PIK3C2G: variants seen among roughly 807,000 people sequenced by gnomAD.
The protein encoded by PIK3C2G is phosphatidylinositol-4-phosphate 3-kinase catalytic subunit type 2 gamma, also known as phosphatidylinositol 3-kinase C2 domain-containing subunit gamma.
A neutral mutation model predicts 181.1 loss-of-function variants in PIK3C2G; 168 were observed. That is an observed-to-expected ratio of 0.93 (90% CI 0.82 to 1.05). The LOEUF is 1.05. PIK3C2G is among the 50% of genes least tolerant of loss of function. PIK3C2G has a pLI of 0.00. For synonymous variants in PIK3C2G, 573 were observed against 592.2 expected (o/e 0.97, Z 0.47); for missense variants, 1,869 against 1,732.8 (o/e 1.08, Z -1.40).
chr12:18,298,037 C>T (rs1230672703), intron 5 of PIK3C2G, among the ~76,000 whole-genome samples: 2 of 151,794 alleles, frequency 1.3e-5, no homozygotes, highest in East Asian at 1.9e-4. Flanking sequence ...TTTGGATAAA[C>T]ACCCATAAGT....
intron 12 of PIK3C2G, among the ~76,000 whole-genome samples, chr12:18,365,721 T>C (rs527279379): frequency 6.6e-6 from 1 of 152,184 alleles, no homozygotes; most frequent in Non-Finnish European, 1.5e-5. Context: ...TTAAATACAA[T>C]TTAAATGCCA....
rs182188310 is a variant in PIK3C2G at position 18,472,456 on chromosome 12, C to T, written c.2505-15993C>T. ...TCATTTTTGTATGTTTACTGTCTCC[C>T]TCTCCCTACTCCCAACTATAATGTA... is the stretch of plus-strand genomic sequence containing the variant. On this transcript the variant is annotated intron_variant, in intron 18 of 32. Transcript: ENST00000538779. 3.0e-3 allele frequency among the ~76,000 whole-genome samples: 464 copies of T among 152,190 alleles called. 2 individuals are homozygous for T. Among genetic ancestry groups the T allele is most frequent in the African/African-American group, 0.01 (421 of 41,532 alleles).
At chr12:18,307,113 T>C (rs1950451537) in intron 5 of PIK3C2G, among the ~76,000 whole-genome samples, 1 of 149,738 alleles carries the variant, frequency 6.7e-6, no homozygotes, top group Non-Finnish European at 1.5e-5. Flanking sequence ...TGAGTACTTA[T>C]CACTTTTTGG....
chr12:18,452,196 G>C (rs544005164), intron 18 of PIK3C2G, among the ~76,000 whole-genome samples: 286 of 152,246 alleles, frequency 1.9e-3, no homozygotes, highest in African/African-American at 6.7e-3. Context: ...CAATCTGTCT[G>C]GTCCTGGGCT....
chr12:18,609,621 A>G lies in PIK3C2G; in HGVS notation c.4174A>G (p.Lys1392Glu). The G allele has an allele frequency of 6.5e-7, 1 of 1,549,590 alleles. No homozygotes were observed. Among genetic ancestry groups the G allele is most frequent in the East Asian group, 2.3e-5 (1 of 42,808 alleles). The change falls in exon 31 of 33, where the codon AAA (lysine) becomes GAA (glutamate). Residue 1392 changes from lysine to glutamate, a missense_variant. Coordinates refer to ENST00000538779, the MANE Select transcript of PIK3C2G (RefSeq NM_001288772.2). ...VKLTILVKHM[K>E]NIHLPDGSAP... ...GCTGACCATACTAGTGAAACACATG[A>G]AAAACATTGTAAGTTTATTATGTAT...
chr12:18,361,163 T>C (rs1941207955), intron 11 of PIK3C2G, among the ~76,000 whole-genome samples: 1 of 152,174 alleles, frequency 6.6e-6, no homozygotes, highest in Non-Finnish European at 1.5e-5. Flanking sequence ...AGTTCACTGA[T>C]TATCTCCTCT....
intron 29 of PIK3C2G, among the ~76,000 whole-genome samples, chr12:18,590,462 C>T (rs1482417368): frequency 6.6e-6 from 1 of 151,852 alleles, no homozygotes; most frequent in African/African-American, 2.4e-5. Context: ...ATATGGGGAA[C>T]CCTCCTGCAT....
At chr12:18,532,099 G>A (rs1943584982) in intron 24 of PIK3C2G, among the ~76,000 whole-genome samples, 1 of 152,108 alleles carries the variant, frequency 6.6e-6, no homozygotes, top group African/African-American at 2.4e-5. Flanking sequence ...ATATCTCATT[G>A]TGGGTTTAAG....
intron 7 of PIK3C2G, among the ~76,000 whole-genome samples, chr12:18,323,007 A>G (rs1053697040): frequency 4.6e-5 from 7 of 152,154 alleles, no homozygotes; most frequent in African/African-American, 1.7e-4. Flanking sequence ...TTGGGACACA[A>G]AGGACTTTGC....
chr12:18,546,496 T>A, intron 26 of PIK3C2G, 64 bp downstream of exon 26: 3 of 879,452 alleles, frequency 3.4e-6, no homozygotes, highest in South Asian at 1.5e-5. Context: ...TGTTCCACAG[T>A]GGAGATGATT....
chr12:18,267,852 C>T (rs1002015620), intron 1 of PIK3C2G, among the ~76,000 whole-genome samples: 1 of 152,192 alleles, frequency 6.6e-6, no homozygotes, highest in Non-Finnish European at 1.5e-5. Flanking sequence ...GTATCCCAAA[C>T]ATTCATCCCC....
At chr12:18,453,435 T>C (rs1008365555) in intron 18 of PIK3C2G, among the ~76,000 whole-genome samples, 1 of 151,932 alleles carries the variant, frequency 6.6e-6, no homozygotes, top group Non-Finnish European at 1.5e-5. Context: ...TTATTTTGTA[T>C]GCATACAACT....
the PIK3C2G span, among the ~76,000 whole-genome samples, chr12:18,674,405 A>C: frequency 6.6e-6 from 1 of 152,132 alleles, no homozygotes; most frequent in Non-Finnish European, 1.5e-5. Context: ...TGACAGTGGA[A>C]GCGTGTTGGT....
chr12:18,404,118 A>C (rs1944393319), intron 16 of PIK3C2G, among the ~76,000 whole-genome samples: 1 of 152,188 alleles, frequency 6.6e-6, no homozygotes, highest in African/African-American at 2.4e-5. Flanking sequence ...TTCCAAAATT[A>C]GGTTCCTTGG....
chr12:18,699,390 A>G, the PIK3C2G span, among the ~76,000 whole-genome samples: 1 of 152,136 alleles, frequency 6.6e-6, no homozygotes. Context: ...TATCGTTTAG[A>G]AATAGAGTGG....
At chr12:18,325,717 A>AT (rs1951314115) in intron 8 of PIK3C2G, among the ~76,000 whole-genome samples, 1 of 151,676 alleles carries the variant, frequency 6.6e-6, no homozygotes, top group Non-Finnish European at 1.5e-5. Flanking sequence ...AAAAAAAAAA[A>AT]AAAAAAAGAG....
At chr12:18,425,330 T>C (rs1945734829) in intron 18 of PIK3C2G, among the ~76,000 whole-genome samples, 1 of 151,948 alleles carries the variant, frequency 6.6e-6, no homozygotes, top group South Asian at 2.1e-4. Context: ...TTTTGTGTTT[T>C]TGAAGTAAAG....
chr12:18,579,334 A>G (rs1366650784), intron 29 of PIK3C2G, among the ~76,000 whole-genome samples: 2 of 152,218 alleles, frequency 1.3e-5, no homozygotes, highest in Non-Finnish European at 2.9e-5. Flanking sequence ...ACTTGCTAAT[A>G]TGAAATATTA....
At chr12:18,424,206 G>A (rs548391606) in intron 18 of PIK3C2G, among the ~76,000 whole-genome samples, 167 bp downstream of exon 18, 42 of 152,218 alleles carry the variant, frequency 2.8e-4, no homozygotes, top group African/African-American at 9.9e-4. Context: ...AGGATAATGT[G>A]TCATCATTTT....
Sources: allele counts gnomAD v4.1 joint callset (sites outside exome capture counted in the v4.1 genomes callset), GRCh38; gene constraint gnomAD v4.1.1; transcripts MANE v1.5; gene names NCBI Gene and HGNC (gene_info 2026-07-23, HGNC 2026-07-21).